The following EMC1 variants were observed in gnomAD, a reference collection of about 807,000 sequenced individuals.
The protein encoded by EMC1 is KIAA0090.
EMC1 carries 103 observed loss-of-function variants against 128.8 expected under a neutral mutation model. The observed-to-expected ratio is 0.80, with a 90% CI of 0.68 to 0.94. EMC1 has a LOEUF of 0.94. Among genes scored for constraint, EMC1 ranks in the 40% least tolerant of loss-of-function variants. EMC1 has a pLI of 0.00. For synonymous variants in EMC1, 442 were observed against 490.4 expected, an observed-to-expected ratio of 0.90 and a Z score of 1.30; for missense variants, 1,083 against 1,250.6, an observed-to-expected ratio of 0.87 and a Z score of 2.02.
In EMC1 at chr1:19,232,935, C is replaced by T; in HGVS notation, c.1632+1G>A. 1 of 1,613,968 alleles carries T rather than the reference C, an allele frequency of 6.2e-7. No individual in the cohort carries two copies. The highest frequency in any genetic ancestry group is 8.5e-7 in the Non-Finnish European group (1 of 1,179,878). On this transcript the variant is annotated splice_donor_variant, in intron 14 of 22. Coordinates refer to ENST00000477853, the MANE Select transcript of EMC1 (RefSeq NM_015047.3). LOFTEE classifies it high-confidence loss of function. ...GTAACTGGAGCTTAAACCCCACTCA[C>T]CTTGCCTGAGGCTGTTACCATCACC...
At chr1:19,244,773 A>T in intron 2 of EMC1, 133 bp downstream of exon 2, 1 of 961,000 alleles carries the variant, frequency 1.0e-6, no homozygotes, top group Non-Finnish European at 1.6e-6. Context: ...AAAAAAAAAA[A>T]GTATCAGAAT....
At chr1:19,237,420 A>T (rs2093573746) in intron 11 of EMC1, among the ~76,000 whole-genome samples, 182 bp from the exon 12 acceptor site, 1 of 152,196 alleles carries the variant, frequency 6.6e-6, no homozygotes, top group African/African-American at 2.4e-5. Flanking sequence ...GAGCCAACAT[A>T]ATGATGCTGG....
chr1:19,235,178 G>A lies in EMC1; in HGVS notation c.1384C>T (p.Leu462=), dbSNP rs2093553461. The A allele has an allele frequency of 1.2e-6, 2 of 1,613,964 alleles. No homozygotes were observed. Among genetic ancestry groups the A allele is most frequent in the East Asian group, 2.2e-5 (1 of 44,862 alleles). ...VVCLEMVDLP[L]TGAQAELEGE... ...TCCAGCTCGGCCTGTGCCCCAGTCAGGGGGAGGTCCACCATCTCTAGGCAC... is the reference window on the plus strand; with the variant it reads ...TCCAGCTCGGCCTGTGCCCCAGTCAAGGGGAGGTCCACCATCTCTAGGCAC... Residue 462 remains leucine (L), a synonymous_variant, in exon 13 of 23, where the codon CTG becomes TTG. Transcript: ENST00000477853.
chr1:19,251,122 G>T (rs1036825121), intron 1 of EMC1, among the ~76,000 whole-genome samples: 1 of 152,284 alleles, frequency 6.6e-6, no homozygotes, highest in East Asian at 1.9e-4. Flanking sequence ...CGAACCTGAC[G>T]AGGGAGGACG....
chr1:19,235,226 C>A lies in EMC1; in HGVS notation c.1336G>T (p.Glu446Ter). 6.2e-7 allele frequency: 1 copy of A among 1,613,372 alleles called. No individual in the cohort carries two copies. The highest frequency in any genetic ancestry group is 1.1e-5 in the South Asian group (1 of 90,936). Reference sequence around the variant, plus strand: ...CACACCACTTCTGCCAGGGACTCCTCACGGCTCCACAGCACCACCTTCCCT... The same window carrying A: ...CACACCACTTCTGCCAGGGACTCCTAACGGCTCCACAGCACCACCTTCCCT... ...LAGKVVLWSR[E>*]ESLAEVVCLE... Residue 446 changes from glutamate (E) to a stop codon, truncating the protein, a stop_gained, in exon 13 of 23, where the codon GAG becomes TAG. Coordinates refer to ENST00000477853, the MANE Select transcript of EMC1 (RefSeq NM_015047.3). LOFTEE classifies it high-confidence loss of function.
intron 7 of EMC1, 142 bp downstream of exon 7, chr1:19,240,155 T>C: frequency 8.1e-7 from 1 of 1,237,602 alleles, no homozygotes; most frequent in Non-Finnish European, 1.1e-6. Context: ...GATTTCCTCT[T>C]ACACCAGTTC....
chr1:19,239,788 A>C (rs1252480691), intron 8 of EMC1, 30 bp downstream of exon 8: 1 of 1,610,572 alleles, frequency 6.2e-7, no homozygotes, highest in East Asian at 2.2e-5. Context: ...GATCTCCTGA[A>C]TCCTAGCAAA....
chr1:19,239,726 C>G, intron 8 of EMC1, 92 bp downstream of exon 8: 1 of 1,380,186 alleles, frequency 7.2e-7, no homozygotes, highest in Non-Finnish European at 1.0e-6. Flanking sequence ...GGCCTAAGAG[C>G]AAACGTTTCC....
Position 19,230,934 on chromosome 1 carries a change from G to C in EMC1, c.1974C>G (p.Val658=), listed in dbSNP as rs2093516539. The change falls in exon 17 of 23, where the codon GTC becomes GTG. Residue 658 remains valine (V), a synonymous_variant. Coordinates refer to ENST00000477853, the MANE Select transcript of EMC1 (RefSeq NM_015047.3). ...KVTAFPATRN[V]LRQLHELAPS... Reference sequence around the variant, plus strand: ...GGGCAAGCTCATGTAGCTGTCGCAAGACATTCCGAGTGGCTGGAAAAGCTG... The same window carrying C: ...GGGCAAGCTCATGTAGCTGTCGCAACACATTCCGAGTGGCTGGAAAAGCTG... 6.2e-7 allele frequency: 1 copy of C among 1,614,180 alleles called. No individual in the cohort carries two copies. The highest frequency in any genetic ancestry group is 8.5e-7 in the Non-Finnish European group (1 of 1,180,034).
chr1:19,240,998 C>T lies in EMC1; in HGVS notation c.636+18G>A. The T allele has an allele frequency of 1.2e-6, 2 of 1,613,186 alleles. No homozygotes were observed. The highest frequency in any genetic ancestry group is 1.7e-6 in the Non-Finnish European group (2 of 1,179,500). On this transcript the variant is annotated intron_variant, in intron 6 of 22. Coordinates refer to ENST00000477853, the MANE Select transcript of EMC1 (RefSeq NM_015047.3). The stretch of plus-strand genomic sequence containing the variant: ...CCCAACCCCACCTTATTCACAGGCT[C>T]CTGTCACCCTCCTGTACCTGCTGAA...
Position 19,238,264 on chromosome 1 carries a change from C to G in EMC1, c.1090-125G>C. ...GCCAGGCCAGAAGGGGAAATATATG[C>G]AAAGGAGAATAAAAGAGAAAAGCAA... On this transcript the variant is annotated intron_variant, in intron 10 of 22. Transcript: ENST00000477853. 3 of 1,058,954 alleles carry G rather than the reference C, an allele frequency of 2.8e-6. No homozygotes were observed. In the African/African-American group the frequency reaches 4.7e-5, roughly 17 times the overall value. 65.6% of individuals were successfully genotyped at this position (1,058,954 alleles called of 1,614,324 possible).
At position 19,227,374 on chromosome 1, in the gene EMC1, C is replaced by A. The variant is rs896315803; in HGVS notation, c.2141G>T (p.Arg714Leu). ...CTGGGAATGAACGTGCTCACTGCTG[C>A]GTTTCCCCTTCACCTTGACGATCCG... ...VQRIVKVKGK[R>L]SSEHVHSQGR... Residue 714 changes from arginine to leucine, a missense_variant, in exon 18 of 23, where the codon CGC becomes CTC. Physicochemically the swap from Arg to Leu is moderately radical, Grantham distance 102 (BLOSUM62 -2). Coordinates refer to ENST00000477853, the MANE Select transcript of EMC1 (RefSeq NM_015047.3). The A allele has an allele frequency of 1.2e-6, 2 of 1,614,082 alleles. No homozygotes were observed. The highest frequency in any genetic ancestry group is 2.7e-5 in the African/African-American group (2 of 74,924).
chr1:19,234,848 A>G (rs1428540486), intron 13 of EMC1, among the ~76,000 whole-genome samples: 2 of 150,940 alleles, frequency 1.3e-5, no homozygotes, highest in South Asian at 4.2e-4. Flanking sequence ...TCTTGTCTCA[A>G]AAAAAGAAAA....
intron 1 of EMC1, among the ~76,000 whole-genome samples, chr1:19,250,992 T>C (rs2093656520): frequency 6.6e-6 from 1 of 152,216 alleles, no homozygotes; most frequent in Non-Finnish European, 1.5e-5. Context: ...TTAGGACTTT[T>C]AAGACGAAAG....
In EMC1 at chr1:19,240,335, G is replaced by C; in HGVS notation, c.748C>G (p.Leu250Val). 2 of 1,614,200 alleles carry C rather than the reference G, an allele frequency of 1.2e-6. No individual in the cohort carries two copies. The highest frequency in any genetic ancestry group is 1.1e-5 in the South Asian group (1 of 91,084). The change falls in exon 7 of 23, where the codon CTG becomes GTG. Residue 250 changes from leucine to valine, a missense_variant. Physicochemically the swap from Leu to Val is conservative, Grantham distance 32 (BLOSUM62 1). Coordinates refer to ENST00000477853, the MANE Select transcript of EMC1 (RefSeq NM_015047.3). ...TGTCTCAACTCCCATTCCGTCTCCA[G>C]AGCCAAAGTTTGGAGGGAACGTGAG... ...PSSRSLQTLA[L>V]ETEWELRQIP...
chr1:19,241,671 A>G (rs2093606674), intron 5 of EMC1, among the ~76,000 whole-genome samples: 1 of 151,954 alleles, frequency 6.6e-6, no homozygotes. Flanking sequence ...ACGCACCACC[A>G]TGCCTGGCTA....
intron 19 of EMC1, 58 bp downstream of exon 19, chr1:19,223,338 A>C: frequency 2.0e-6 from 3 of 1,489,214 alleles, no homozygotes; most frequent in Admixed American, 3.8e-5. Context: ...TCTGGAAAGG[A>C]CTCAGGAGGC....
chr1:19,222,556 C>G (rs970914892), intron 20 of EMC1, 68 bp downstream of exon 20: 24 of 1,393,296 alleles, frequency 1.7e-5, no homozygotes, highest in Non-Finnish European at 2.2e-5. Flanking sequence ...CAATGTGTCC[C>G]TTGCTCTGTC....
intron 9 of EMC1, 109 bp from the exon 10 acceptor site, chr1:19,238,966 C>A: frequency 3.6e-6 from 3 of 844,112 alleles, no homozygotes; most frequent in South Asian, 1.5e-5. Context: ...AGACAAAGCT[C>A]ATTTCTCACC....
Sources: allele counts gnomAD v4.1 joint callset (sites outside exome capture counted in the v4.1 genomes callset), GRCh38; gene constraint gnomAD v4.1.1; transcripts MANE v1.5; gene names NCBI Gene and HGNC (gene_info 2026-07-23, HGNC 2026-07-21).